CLCN7: variants seen among roughly 807,000 people sequenced by gnomAD.
CLCN7 encodes the protein Cl-/H+ antiporter 7, also known as H(+)/Cl(-) exchange transporter 7.
In CLCN7, 60 loss-of-function variants were observed where a neutral mutation model predicts 102.1. The ratio of observed to expected loss-of-function variants is 0.59; its 90% CI spans 0.48 to 0.73. The LOEUF is 0.73. Among genes scored for constraint, CLCN7 ranks in the 30% least tolerant of loss-of-function variants. The pLI is 0.00. For missense variants in CLCN7, 962 were observed against 1,125.7 expected, an observed-to-expected ratio of 0.85 and a Z score of 2.08; for synonymous variants, 560 against 490.5, an observed-to-expected ratio of 1.14 and a Z score of -1.87.
intron 13 of CLCN7, 47 bp downstream of exon 13, chr16:1,454,364 G>A (rs370664910): frequency 3.0e-5 from 47 of 1,589,450 alleles, no homozygotes; most frequent in Non-Finnish European, 3.5e-5. Context: ...CGTCACAGCT[G>A]AGCCAGGCCC....
At chr16:1,447,289 T>A (rs1376740854) in intron 23 of CLCN7, 103 bp downstream of exon 23, 4 of 1,291,518 alleles carry the variant, frequency 3.1e-6, no homozygotes, top group Non-Finnish European at 4.3e-6. Context: ...CACCGAGTCC[T>A]CTCCGCTGTG....
At chr16:1,448,831 C>T in intron 19 of CLCN7, 65 bp from the exon 20 acceptor site, 1 of 1,597,768 alleles carries the variant, frequency 6.3e-7, no homozygotes, top group Non-Finnish European at 8.5e-7. Context: ...CCCGAGCCTA[C>T]CCCTGGGAGC....
At chr16:1,450,349 TG>T in intron 17 of CLCN7, 147 bp downstream of exon 17, 1 of 823,484 alleles carries the variant, frequency 1.2e-6, no homozygotes, top group Non-Finnish European at 2.0e-6. Context: ...CCACGGCCCG[TG>T]AACCACGCGA....
rs758168450 is a variant in CLCN7 at position 1,450,456 on chromosome 16, C to G, written c.1617+41G>C. On this transcript the variant is annotated intron_variant, in intron 17 of 24. Transcript: ENST00000382745. Reference sequence around the variant, plus strand: ...GCCCGCGATGCCGCAAGACCTGGCTCAGCTGCAGGGCCCCACAGCCTCCCC... The same window carrying G: ...GCCCGCGATGCCGCAAGACCTGGCTGAGCTGCAGGGCCCCACAGCCTCCCC... 17 of 1,550,432 alleles carry G rather than the reference C, an allele frequency of 1.1e-5. No homozygotes were observed. In the African/African-American group the frequency reaches 2.0e-4, roughly 19 times the overall value.
At chr16:1,463,637 C>T (rs1383536346) in intron 2 of CLCN7, among the ~76,000 whole-genome samples, 1 of 152,130 alleles carries the variant, frequency 6.6e-6, no homozygotes, top group Non-Finnish European at 1.5e-5. Context: ...CCACACCTGG[C>T]TAATTTTCGT....
Position 1,465,305 on chromosome 16 carries a change from T to A in CLCN7, c.175A>T (p.Met59Leu), listed in dbSNP as rs2038990010. 1 of 1,613,904 alleles carries A rather than the reference T, an allele frequency of 6.2e-7. No individual in the cohort carries two copies. The highest frequency in any genetic ancestry group is 8.5e-7 in the Non-Finnish European group (1 of 1,179,984). The change falls in exon 2 of 25, where the codon ATG becomes TTG. Residue 59 changes from methionine (M) to leucine (L), a missense_variant. Transcript: ENST00000382745. ...TCATCATCCAGCTCCACGCTGCTCATATGTCCGACTCGGAAAAGCGCAGAA... is the reference window on the plus strand; with the variant it reads ...TCATCATCCAGCTCCACGCTGCTCAAATGTCCGACTCGGAAAAGCGCAGAA... ...PRSALFRVGHMSSVELDDELL... is the reference protein window; with the variant it reads ...PRSALFRVGHLSSVELDDELL...
chr16:1,466,251 G>A (rs373642659), intron 1 of CLCN7, among the ~76,000 whole-genome samples: 3 of 152,208 alleles, frequency 2.0e-5, no homozygotes, highest in East Asian at 1.9e-4. Context: ...GCTGCCGCCC[G>A]CCTTCCCTGG....
At position 1,451,638 on chromosome 16, in the gene CLCN7, A is replaced by G; in HGVS notation, c.1432T>C (p.Phe478Leu). Residue 478 changes from phenylalanine (F) to leucine (L), a missense_variant, in exon 16 of 25, where the codon TTC becomes CTC. Physicochemically the swap from Phe to Leu is conservative, Grantham distance 22. Transcript: ENST00000382745. ...NTPEKSVVSL[F>L]HDPPGSYNPL... ...CCACACACACCTGGCGGGTCGTGGA[A>G]GAGGCTCACCACGCTCTTCTCCGGG... 2.5e-6 allele frequency: 4 copies of G among 1,612,160 alleles called. No homozygotes were observed. Among genetic ancestry groups the G allele is most frequent in the Non-Finnish European group, 3.4e-6 (4 of 1,179,860 alleles).
intron 15 of CLCN7, chr16:1,452,111 C>A: frequency 3.1e-6 from 1 of 322,948 alleles, no homozygotes; most frequent in Non-Finnish European, 6.1e-6. Context: ...TGGGCTCCAG[C>A]AGCACAGGGG....
Position 1,457,701 on chromosome 16 carries a change from A to T in CLCN7, c.731T>A (p.Val244Glu). The change falls in exon 8 of 25, where the codon GTG becomes GAG. Residue 244 changes from valine to glutamate, a missense_variant. By Grantham distance (121) the Val-to-Glu change is moderately radical. Transcript: ENST00000382745. This position sits in a 1 kb window ranked among gnomAD's most constrained non-coding sequence, Gnocchi z 5.4. ...CCATGTGCACTTTGTTACCTTTCCC[A>T]CGGCCAGGCCCCCGACCACGGACAG... ...VILSVVGGLA[V>E]GKEGPMIHSG... is the part of the protein sequence containing the mutation. 6.2e-7 allele frequency: 1 copy of T among 1,613,662 alleles called. No individual in the cohort carries two copies. Among genetic ancestry groups the T allele is most frequent in the Non-Finnish European group, 8.5e-7 (1 of 1,179,984 alleles).
rs756435900 is a variant in CLCN7 at position 1,451,577 on chromosome 16, C to T, written c.1447+46G>A. On this transcript the variant is annotated intron_variant, in intron 16 of 24. Transcript: ENST00000382745. ...GGACACTCAGCCAGAAGGCATCACC[C>T]AGGCCCTGATCCCAGGGCCTGCCCA... 5 of 1,549,024 alleles carry T rather than the reference C, an allele frequency of 3.2e-6. No homozygotes were observed. The South Asian group carries it at 5.6e-5, about 17-fold the overall frequency.
chr16:1,461,003 G>A, intron 4 of CLCN7, 55 bp from the exon 5 acceptor site: 2 of 1,600,246 alleles, frequency 1.2e-6, no homozygotes, highest in Non-Finnish European at 1.7e-6. Flanking sequence ...AGTCACTCTG[G>A]CAGCAGCAGG....
At chr16:1,470,353 G>T (rs2039061220) in intron 1 of CLCN7, among the ~76,000 whole-genome samples, 1 of 152,160 alleles carries the variant, frequency 6.6e-6, no homozygotes, top group Admixed American at 6.6e-5. Context: ...AAAACTTAAA[G>T]CAGGATTAAA....
intron 10 of CLCN7, 80 bp downstream of exon 10, chr16:1,456,033 C>T: frequency 8.0e-7 from 1 of 1,243,626 alleles, no homozygotes; most frequent in Non-Finnish European, 1.1e-6. Flanking sequence ...TCAGCGGGCA[C>T]TGGGCCTACA....
At position 1,446,302 on chromosome 16, in the gene CLCN7, CG is replaced by C. The variant is rs1567262372; in HGVS notation, c.*328del. 1.4e-6 allele frequency: 1 copy of C among 699,908 alleles called. No individual in the cohort carries two copies. The highest frequency in any genetic ancestry group is 1.5e-5 in the South Asian group (1 of 67,438). 43.4% of individuals were successfully genotyped at this position (699,908 alleles called of 1,614,324 possible). ...CACACGGGCACAGGCACGCAGGTGC[CG>C]GCCCTGCCGCTGGCTCCCAAGAGGC... On this transcript the variant is annotated 3_prime_UTR_variant, in exon 25 of 25. Coordinates refer to ENST00000382745, the MANE Select transcript of CLCN7 (RefSeq NM_001287.6).
At chr16:1,474,060 G>A (rs2039116277) in intron 1 of CLCN7, 1 of 440,192 alleles carries the variant, frequency 2.3e-6, no homozygotes, top group African/African-American at 2.1e-5. Context: ...CTCCAGCCTG[G>A]GCAACTACAG....
intron 13 of CLCN7, 53 bp from the exon 14 acceptor site, chr16:1,453,947 C>T: frequency 7.7e-6 from 12 of 1,557,186 alleles, no homozygotes; most frequent in Admixed American, 3.7e-5. Flanking sequence ...GTGCGGGCCT[C>T]CGCCCGCCGG....
rs1438766411 is a variant in CLCN7, at chr16:1,469,098, C to T, written c.142-3760G>A. On this transcript the variant is annotated intron_variant, in intron 1 of 24. Transcript: ENST00000382745. The stretch of plus-strand genomic sequence containing the variant: ...GTGCACACCTGTAATCCCAGCTACT[C>T]GGGAGGCTAAGGCAGGAGAACTGCT... Among the ~76,000 whole-genome samples the T allele has an allele frequency of 7.3e-5, 11 of 151,076 alleles. No homozygotes were observed. The East Asian group carries it at 1.2e-3, about 16-fold the overall frequency.
chr16:1,463,356 C>T (rs11863247), intron 2 of CLCN7, among the ~76,000 whole-genome samples: 2,979 of 152,224 alleles, frequency 0.02, 89 homozygotes, highest in African/African-American at 0.067. Flanking sequence ...ACAACCTGTG[C>T]GGGGTGTGAT....
Sources: allele counts gnomAD v4.1 joint callset (sites outside exome capture counted in the v4.1 genomes callset), GRCh38; gene constraint gnomAD v4.1.1; non-coding constraint Gnocchi (gnomAD v3.1); transcripts MANE v1.5; gene names NCBI Gene and HGNC (gene_info 2026-07-23, HGNC 2026-07-21).